Variants in PCDH7 observed in about 807,000 individuals in gnomAD.
PCDH7 encodes protocadherin 7, also known as protocadherin-7.
PCDH7 carries 17 observed loss-of-function variants against 58.9 expected under a neutral mutation model. That is an observed-to-expected ratio of 0.29 (90% confidence interval 0.20 to 0.43). The LOEUF is 0.43. Among genes scored for constraint, PCDH7 ranks in the 20% least tolerant of loss-of-function variants. The pLI is 1.00. For missense variants in PCDH7, 1,274 were observed against 1,441.0 expected (o/e 0.88, Z 1.88); for synonymous variants, 664 against 616.4 (o/e 1.08, Z -1.14).
intron 3 of PCDH7, among the ~76,000 whole-genome samples, chr4:31,081,904 C>T (rs563525688): frequency 6.6e-6 from 1 of 151,994 alleles, no homozygotes; most frequent in Non-Finnish European, 1.5e-5. Context: ...TACTGAATAG[C>T]TGGGATTACA....
intron 1 of PCDH7, among the ~76,000 whole-genome samples, chr4:30,844,285 A>T (rs2109341029): frequency 6.6e-6 from 1 of 152,036 alleles, no homozygotes; most frequent in East Asian, 1.9e-4. Flanking sequence ...TAAACAAACA[A>T]ATAAAAACTC....
At chr4:31,027,519 T>C (rs1314998415) in intron 3 of PCDH7, among the ~76,000 whole-genome samples, 1 of 152,026 alleles carries the variant, frequency 6.6e-6, no homozygotes, top group Non-Finnish European at 1.5e-5. Context: ...GCCTCCCAGG[T>C]TCAAGGGATT....
intron 1 of PCDH7, among the ~76,000 whole-genome samples, chr4:30,791,463 T>C (rs941876485): frequency 4.6e-5 from 7 of 152,178 alleles, no homozygotes; most frequent in Non-Finnish European, 1.0e-4. Flanking sequence ...ATGCCAGCAA[T>C]TATTAATTTT....
chr4:30,722,205 C>A lies in PCDH7; in HGVS notation c.783C>A (p.Ile261=). Residue 261 remains isoleucine, a synonymous_variant, in exon 1 of 2, where the codon ATC becomes ATA. Transcript: ENST00000361762. The surrounding 1 kb of genome is among the most constrained non-coding windows in gnomAD (Gnocchi z 7.6). Reference sequence around the variant, plus strand: ...ACGGCGAGAAGCAGCCGCAGCTGATCGTGAAGGGGGCGCTGGACCGCGAGC... The same window carrying A: ...ACGGCGAGAAGCAGCCGCAGCTGATAGTGAAGGGGGCGCTGGACCGCGAGC... 1 of 1,584,582 alleles carries A rather than the reference C, an allele frequency of 6.3e-7. No homozygotes were observed. The highest frequency in any genetic ancestry group is 8.6e-7 in the Non-Finnish European group (1 of 1,165,966).
intron 1 of PCDH7, among the ~76,000 whole-genome samples, chr4:30,831,410 AATGAGT>A (rs1218886755): frequency 5.3e-5 from 8 of 152,144 alleles, no homozygotes; most frequent in African/African-American, 1.9e-4. Context: ...CCATCAATAA[AATGAGT>A]ATAACAACTA....
intron 3 of PCDH7, among the ~76,000 whole-genome samples, chr4:31,119,823 A>G (rs7674487): frequency 0.57 from 86,005 of 151,856 alleles, 27,380 homozygotes; most frequent in African/African-American, 0.86. Context: ...TCCCTTTTCC[A>G]GTGGACTGTG....
chr4:30,746,324 C>T (rs1717773464), intron 1 of PCDH7, among the ~76,000 whole-genome samples: 1 of 152,072 alleles, frequency 6.6e-6, no homozygotes, highest in South Asian at 2.1e-4. Flanking sequence ...AGATAGTAAA[C>T]AAAAATCCTA....
chr4:30,914,816 T>C (rs1430644712), intron 1 of PCDH7, among the ~76,000 whole-genome samples: 1 of 152,186 alleles, frequency 6.6e-6, no homozygotes, highest in Admixed American at 6.5e-5. Context: ...GTCTCCATTA[T>C]ACATACCCTG....
intron 1 of PCDH7, among the ~76,000 whole-genome samples, chr4:30,823,797 G>A (rs1370088966): frequency 6.6e-6 from 1 of 152,116 alleles, no homozygotes; most frequent in Non-Finnish European, 1.5e-5. Context: ...GCATAGGTCC[G>A]AAAGTGCTGC....
At chr4:31,079,476 G>A (rs1468818145) in intron 3 of PCDH7, among the ~76,000 whole-genome samples, 1 of 150,516 alleles carries the variant, frequency 6.6e-6, no homozygotes, top group Non-Finnish European at 1.5e-5. Flanking sequence ...AAGGTTGATT[G>A]GAGCTGCATT....
chr4:31,047,050 G>A (rs10084945), intron 3 of PCDH7, among the ~76,000 whole-genome samples: 95,633 of 151,888 alleles, frequency 0.63, 32,463 homozygotes, highest in African/African-American at 0.89. Flanking sequence ...GAGTAGTTAA[G>A]TTTTAATATT....
chr4:30,874,934 C>T (rs186665297), intron 1 of PCDH7, among the ~76,000 whole-genome samples: 151 of 151,994 alleles, frequency 9.9e-4, no homozygotes, highest in Middle Eastern at 3.4e-3. Flanking sequence ...TATATACTGG[C>T]GCTTATGCTA....
At chr4:30,791,622 C>T (rs1172015310) in intron 1 of PCDH7, among the ~76,000 whole-genome samples, 1 of 152,128 alleles carries the variant, frequency 6.6e-6, no homozygotes, top group Non-Finnish European at 1.5e-5. Context: ...TCTCTATATG[C>T]TATTGTGTGA....
At position 31,106,014 on chromosome 4, in the gene PCDH7, G is replaced by GA. The variant is rs564639877; in HGVS notation, c.*8-36449dup. Reference sequence around the variant, plus strand: ...AGAGCAAGATTATGTCTCAAAAAAAGAAAAAAAAAATATATATATATATGT... The same window carrying GA: ...AGAGCAAGATTATGTCTCAAAAAAAGAAAAAAAAAAATATATATATATATGT... On this transcript the variant is annotated intron_variant, in intron 3 of 3. Coordinates refer to the PCDH7 transcript ENST00000509759. 3.3e-3 allele frequency among the ~76,000 whole-genome samples: 357 copies of GA among 106,708 alleles called. 2 individuals are homozygous for GA. Among genetic ancestry groups the GA allele is most frequent in the African/African-American group, 0.013 (265 of 19,824 alleles). 70.0% of individuals were successfully genotyped at this position (106,708 alleles called of 152,430 possible).
At chr4:30,991,206 AATG>A (rs1368281071) in intron 3 of PCDH7, among the ~76,000 whole-genome samples, 1 of 152,214 alleles carries the variant, frequency 6.6e-6, no homozygotes, top group Non-Finnish European at 1.5e-5. Context: ...TGAGTTTGAA[AATG>A]ATGTCTGCTA....
intron 2 of PCDH7, among the ~76,000 whole-genome samples, chr4:30,940,093 A>C (rs550499322): frequency 1.1e-4 from 16 of 152,108 alleles, no homozygotes; most frequent in African/African-American, 3.4e-4. Flanking sequence ...GGTAGGCAAA[A>C]AAACAAACAA....
At chr4:31,093,098 T>C (rs1428834237) in intron 3 of PCDH7, among the ~76,000 whole-genome samples, 1 of 152,116 alleles carries the variant, frequency 6.6e-6, no homozygotes, top group African/African-American at 2.4e-5. Flanking sequence ...GAATCTGTGG[T>C]CCAGTGATGG....
intron 3 of PCDH7, among the ~76,000 whole-genome samples, chr4:31,123,718 G>C (rs923731265): frequency 3.9e-5 from 6 of 152,140 alleles, no homozygotes; most frequent in Non-Finnish European, 8.8e-5. Context: ...CATAATTCTT[G>C]TCCAGCGTCC....
At chr4:30,948,589 G>T (rs2109444643) in intron 2 of PCDH7, among the ~76,000 whole-genome samples, 1 of 152,142 alleles carries the variant, frequency 6.6e-6, no homozygotes, top group South Asian at 2.1e-4. Flanking sequence ...CAAAATTATA[G>T]AAATTTATAG....
Sources: gnomAD v4.1 joint callset for allele counts (sites outside exome capture counted in the v4.1 genomes callset) on GRCh38, gnomAD v4.1.1 for gene constraint, Gnocchi (gnomAD v3.1) non-coding constraint, MANE v1.5 for transcripts, NCBI Gene and HGNC (gene_info 2026-07-23, HGNC 2026-07-21) for gene names.